Variants in ZNF587B observed in about 807,000 individuals in gnomAD.
The protein encoded by ZNF587B is zinc finger protein 587B.
A neutral mutation model predicts 7.2 loss-of-function variants in ZNF587B; 6 were observed. The observed-to-expected ratio is 0.83, with a 90% CI of 0.46 to 1.65. ZNF587B has a LOEUF of 1.65. Ranked by LOEUF, ZNF587B falls within the 40% of genes most tolerant of loss-of-function variation. The probability of loss-of-function intolerance (pLI) is 0.01; values close to 1 mark genes in which losing one functional copy is unlikely to be tolerated. For synonymous variants in ZNF587B, 274 were observed against 254.3 expected (o/e 1.08, Z -0.74); for missense variants, 749 against 761.0 (o/e 0.98, Z 0.19).
At chr19:57,837,339 C>G (rs1988656754) in intron 1 of ZNF587B, among the ~76,000 whole-genome samples, 1 of 151,972 alleles carries the variant, frequency 6.6e-6, no homozygotes, top group Admixed American at 6.6e-5. Context: ...TCACTGCAAC[C>G]TTCGCCTCCC....
intron 1 of ZNF587B, among the ~76,000 whole-genome samples, chr19:57,837,625 T>A (rs945229439): frequency 1.3e-5 from 2 of 152,028 alleles, no homozygotes; most frequent in African/African-American, 4.8e-5. Context: ...ATTTTTTGTA[T>A]TTTTAGTAGA....
At position 57,830,404 on chromosome 19, in the gene ZNF587B, C is replaced by A; in HGVS notation, c.-125C>A. Reference sequence around the variant, plus strand: ...ACAGTTGTCCTCTGCTGCACAGAGGCGACTCTGGAGCTCTGTGACGGCGCC... The same window carrying A: ...ACAGTTGTCCTCTGCTGCACAGAGGAGACTCTGGAGCTCTGTGACGGCGCC... On this transcript the variant is annotated 5_prime_UTR_variant, in exon 1 of 3. Transcript: ENST00000594901. 1 of 1,017,314 alleles carries A rather than the reference C, an allele frequency of 9.8e-7. No individual in the cohort carries two copies. The highest frequency in any genetic ancestry group is 1.5e-6 in the Non-Finnish European group (1 of 687,058). The allele number at this position is 1,017,314 out of a possible 1,614,324, so 63.0% of individuals were successfully genotyped here. A position where few individuals can be genotyped will look rare whatever the true frequency, so the allele number is the denominator to read the frequency against.
At chr19:57,839,660 G>C (rs1405467211) in intron 2 of ZNF587B, among the ~76,000 whole-genome samples, 3 of 151,994 alleles carry the variant, frequency 2.0e-5, no homozygotes, top group Non-Finnish European at 4.4e-5. Flanking sequence ...CCCTTAGTCT[G>C]TGCATCATTC....
rs1989025451 is a variant in ZNF587B, at chr19:57,845,360, A to C, written c.*2784A>C. 1 of 152,228 alleles carries C rather than the reference A, an allele frequency of 6.6e-6. No individual in the cohort carries two copies. The highest frequency in any genetic ancestry group is 6.5e-5 in the Admixed American group (1 of 15,276). The allele number at this position is 152,228 out of a possible 1,614,324, so 9.4% of individuals were successfully genotyped here. ...TGGATAAGCAGATACAGAAATTCTC[A>C]AGACTTCCATAATAATGAATGTTGT... On this transcript the variant is annotated 3_prime_UTR_variant, in exon 3 of 3. Coordinates refer to ENST00000594901, the MANE Select transcript of ZNF587B (RefSeq NM_001376223.1).
intron 1 of ZNF587B, among the ~76,000 whole-genome samples, chr19:57,834,832 G>A (rs1348596299): frequency 1.5e-5 from 2 of 129,644 alleles, no homozygotes; most frequent in East Asian, 2.2e-4. Flanking sequence ...GTGACAGAGC[G>A]AGACTCTCTC....
intron 1 of ZNF587B, among the ~76,000 whole-genome samples, chr19:57,835,776 C>T (rs1430184938): frequency 7.1e-6 from 1 of 139,954 alleles, no homozygotes; most frequent in East Asian, 2.1e-4. Context: ...GTTGTTTTCA[C>T]CATGCTCAGA....
In ZNF587B at chr19:57,843,490, C is replaced by G. The variant is rs970471999; in HGVS notation, c.*914C>G. On this transcript the variant is annotated 3_prime_UTR_variant, in exon 3 of 3. Transcript: ENST00000594901. Reference sequence around the variant, plus strand: ...TGGTAGGTACCCACATTGCATCATTCACCTATTTCGTATTCTAGAAGTATA... The same window carrying G: ...TGGTAGGTACCCACATTGCATCATTGACCTATTTCGTATTCTAGAAGTATA... 1 of 985,056 alleles carries G rather than the reference C, an allele frequency of 1.0e-6. No individual in the cohort carries two copies. Among genetic ancestry groups the G allele is most frequent in the Non-Finnish European group, 1.2e-6 (1 of 829,898 alleles). 61.0% of individuals were successfully genotyped at this position (985,056 alleles called of 1,614,324 possible).
At chr19:57,840,159 T>C (rs1988785078) in intron 2 of ZNF587B, among the ~76,000 whole-genome samples, 1 of 140,478 alleles carries the variant, frequency 7.1e-6, no homozygotes, top group Non-Finnish European at 1.5e-5. Context: ...ATTGAAAGCA[T>C]ACCAGGAACC....
At chr19:57,832,795 CAG>C (rs1988467658) in intron 1 of ZNF587B, among the ~76,000 whole-genome samples, 1 of 152,258 alleles carries the variant, frequency 6.6e-6, no homozygotes, top group Non-Finnish European at 1.5e-5. Flanking sequence ...CTTGCAGACT[CAG>C]AGAGCTGTAC....
intron 1 of ZNF587B, among the ~76,000 whole-genome samples, chr19:57,832,385 A>G (rs1988451333): frequency 6.6e-6 from 1 of 152,234 alleles, no homozygotes; most frequent in Non-Finnish European, 1.5e-5. Context: ...GTGCCCGGCC[A>G]ATTCTATTTA....
rs1568501442 is a variant in ZNF587B at position 57,842,694 on chromosome 19, T to C, written c.*118T>C. On this transcript the variant is annotated 3_prime_UTR_variant, in exon 3 of 3. Coordinates refer to ENST00000594901, the MANE Select transcript of ZNF587B (RefSeq NM_001376223.1). ...AAAAGAAGTCTGCTCTCCTTGGACATTGGAGAGTTCACACCAGAGAAAAGT... is the reference window on the plus strand; with the variant it reads ...AAAAGAAGTCTGCTCTCCTTGGACACTGGAGAGTTCACACCAGAGAAAAGT... 5.2e-6 allele frequency: 7 copies of C among 1,333,342 alleles called. No individual in the cohort carries two copies. Among genetic ancestry groups the C allele is most frequent in the East Asian group, 2.7e-5 (1 of 36,482 alleles). The allele number at this position is 1,333,342 out of a possible 1,614,324, so 82.6% of individuals were successfully genotyped here.
chr19:57,843,682 A>T lies in ZNF587B; in HGVS notation c.*1106A>T. The T allele has an allele frequency of 1.7e-6, 1 of 602,740 alleles. No homozygotes were observed. Among genetic ancestry groups the T allele is most frequent in the Non-Finnish European group, 2.1e-6 (1 of 487,624 alleles). The allele number at this position is 602,740 out of a possible 1,614,324, so 37.3% of individuals were successfully genotyped here. ...AGTGGTGTGATCCTGGTTCATTGCA[A>T]CCTCTGCCTCCTGAGTTCAAGCAAT... On this transcript the variant is annotated 3_prime_UTR_variant, in exon 3 of 3. Coordinates refer to ENST00000594901, the MANE Select transcript of ZNF587B (RefSeq NM_001376223.1).
At chr19:57,831,708 A>ATT (rs61217870) in intron 1 of ZNF587B, among the ~76,000 whole-genome samples, 9 of 138,100 alleles carry the variant, frequency 6.5e-5, no homozygotes, top group African/African-American at 1.8e-4. Context: ...TTATTTATTT[A>ATT]TTTTTTTTTT....
In ZNF587B at chr19:57,845,785, C is replaced by G. The variant is rs1008465794; in HGVS notation, c.*3209C>G. On this transcript the variant is annotated 3_prime_UTR_variant, in exon 3 of 3. Coordinates refer to ENST00000594901, the MANE Select transcript of ZNF587B (RefSeq NM_001376223.1). ...TCCCAGCACTTTGGGAGGCCAGATTCCTTGAGACCAGTGTGGGGAACATGG... is the reference window on the plus strand; with the variant it reads ...TCCCAGCACTTTGGGAGGCCAGATTGCTTGAGACCAGTGTGGGGAACATGG... The G allele has an allele frequency of 1.3e-5, 2 of 152,124 alleles. No homozygotes were observed. The highest frequency in any genetic ancestry group is 2.9e-5 in the Non-Finnish European group (2 of 68,028). The allele number at this position is 152,124 out of a possible 1,614,324, so 9.4% of individuals were successfully genotyped here.
At chr19:57,836,960 TAAA>T (rs71188052) in intron 1 of ZNF587B, among the ~76,000 whole-genome samples, 25,379 of 105,940 alleles carry the variant, frequency 0.24, 2,237 homozygotes, top group Middle Eastern at 0.33. Context: ...GACTCCGTCA[TAAA>T]AAAAAAAAAA....
chr19:57,837,517 C>T (rs1373663761), intron 1 of ZNF587B, among the ~76,000 whole-genome samples: 9 of 149,430 alleles, frequency 6.0e-5, no homozygotes, highest in South Asian at 4.2e-4. Flanking sequence ...GGTGCTATTT[C>T]GGCTCACTGC....
chr19:57,841,900 C>T lies in ZNF587B; in HGVS notation c.1226C>T (p.Pro409Leu). ...IHQRMHTGERPYKCGDCGKSF... is the reference protein window; with the variant it reads ...IHQRMHTGERLYKCGDCGKSF... ...CAGCGCATGCACACTGGAGAAAGAC[C>T]TTACAAGTGTGGAGACTGTGGGAAA... The change falls in exon 3 of 3, where the codon CCT (proline) becomes CTT (leucine). Residue 409 changes from proline (P) to leucine (L), a missense_variant. Coordinates refer to ENST00000594901, the MANE Select transcript of ZNF587B (RefSeq NM_001376223.1). The T allele has an allele frequency of 3.1e-6, 5 of 1,613,878 alleles. No homozygotes were observed. The highest frequency in any genetic ancestry group is 4.2e-6 in the Non-Finnish European group (5 of 1,179,956).
At chr19:57,836,487 C>T (rs974568814) in intron 1 of ZNF587B, among the ~76,000 whole-genome samples, 56 of 152,150 alleles carry the variant, frequency 3.7e-4, no homozygotes, top group South Asian at 2.1e-4. Flanking sequence ...GTTTCTTTCC[C>T]ATTTAACTCT....
chr19:57,844,438 G>C lies in ZNF587B; in HGVS notation c.*1862G>C. ...ATTGCTTGAACCCCGGGAGGTAGAG[G>C]TTGCAGTGAGCTGAGATCATGCCAC... On this transcript the variant is annotated 3_prime_UTR_variant, in exon 3 of 3. Transcript: ENST00000594901. 3.6e-6 allele frequency: 1 copy of C among 279,664 alleles called. No individual in the cohort carries two copies. 17.3% of individuals were successfully genotyped at this position (279,664 alleles called of 1,614,324 possible). A position where few individuals can be genotyped will look rare whatever the true frequency, so the allele number is the denominator to read the frequency against.
Sources: gnomAD v4.1 joint callset for allele counts (sites outside exome capture counted in the v4.1 genomes callset) on GRCh38, gnomAD v4.1.1 for gene constraint, MANE v1.5 for transcripts, NCBI Gene and HGNC (gene_info 2026-07-23, HGNC 2026-07-21) for gene names.